SOCS7: variants seen among roughly 807,000 people sequenced by gnomAD.
SOCS7 encodes NAP-4.
Under a neutral mutation model 58.9 loss-of-function variants are expected in SOCS7, and 18 were observed. The ratio of observed to expected loss-of-function variants is 0.31; its 90% CI spans 0.21 to 0.45. SOCS7 has a LOEUF of 0.45. Among genes scored for constraint, SOCS7 ranks in the 20% least tolerant of loss-of-function variants. The pLI is 1.00. For missense variants in SOCS7, 667 were observed against 837.3 expected (o/e 0.80, Z 2.51); for synonymous variants, 388 against 364.3 (o/e 1.06, Z -0.74).
intron 7 of SOCS7, among the ~76,000 whole-genome samples, chr17:38,389,865 G>GTA (rs1270608226): frequency 0.022 from 578 of 26,680 alleles, 35 homozygotes; most frequent in Middle Eastern, 0.12. Context: ...GTGTATGTGT[G>GTA]TACATATATA....
rs3748724 is a variant in SOCS7, at chr17:38,401,998, T to C, written c.*2516T>C. The C allele has an allele frequency of 0.18, 27,708 of 152,202 alleles. 3,668 individuals carry two copies. Among genetic ancestry groups the C allele is most frequent in the African/African-American group, 0.37 (15,386 of 41,456 alleles). The allele number at this position is 152,202 out of a possible 1,614,324, so 9.4% of individuals were successfully genotyped here. A position where few individuals can be genotyped will look rare whatever the true frequency, so the allele number is the denominator to read the frequency against. On this transcript the variant is annotated 3_prime_UTR_variant, in exon 10 of 10. Coordinates refer to ENST00000612932, the MANE Select transcript of SOCS7 (RefSeq NM_014598.4). Reference sequence around the variant, plus strand: ...GGCCATGTGAGGGAGGCAGAGCCTCTGCACCCCCTGTGTTACTGGGGTTTC... The same window carrying C: ...GGCCATGTGAGGGAGGCAGAGCCTCCGCACCCCCTGTGTTACTGGGGTTTC...
intron 6 of SOCS7, among the ~76,000 whole-genome samples, chr17:38,369,975 T>C (rs1211524465): frequency 1.3e-5 from 2 of 152,060 alleles, no homozygotes; most frequent in Non-Finnish European, 2.9e-5. Flanking sequence ...GTATTTTTAG[T>C]AGACACAGGG....
At position 38,395,900 on chromosome 17, in the gene SOCS7, G is replaced by A. The variant is rs756077906; in HGVS notation, c.1870G>A (p.Val624Ile). ...KFYYYDPQEEVYLSLKEAQLI... is the reference protein window; with the variant it reads ...KFYYYDPQEEIYLSLKEAQLI... The stretch of plus-strand genomic sequence containing the variant: ...CTACTACTATGATCCTCAGGAAGAG[G>A]TATACCTGTCTCTAAAGGAAGCGCA... The change falls in exon 9 of 10, where the codon GTA becomes ATA. Residue 624 changes from valine (V) to isoleucine (I), a missense_variant. Coordinates refer to ENST00000612932, the MANE Select transcript of SOCS7 (RefSeq NM_014598.4). The A allele has an allele frequency of 1.2e-6, 2 of 1,611,948 alleles. No individual in the cohort carries two copies. The highest frequency in any genetic ancestry group is 1.7e-6 in the Non-Finnish European group (2 of 1,179,454).
At chr17:38,359,418 A>C (rs1050767030) in intron 1 of SOCS7, among the ~76,000 whole-genome samples, 1 of 152,212 alleles carries the variant, frequency 6.6e-6, no homozygotes, top group African/African-American at 2.4e-5. Context: ...AGAAAGACGG[A>C]CCAGGGTTTC....
intron 7 of SOCS7, among the ~76,000 whole-genome samples, chr17:38,387,113 ATATATATATATATATGTATG>A (rs2038081955): frequency 1.9e-5 from 2 of 103,472 alleles, no homozygotes; most frequent in Non-Finnish European, 1.8e-5. Flanking sequence ...ATATATATAT[ATATATATATATATATGTATG>A]TATATATATA....
chr17:38,371,759 T>G (rs898603118), intron 6 of SOCS7, among the ~76,000 whole-genome samples: 19 of 148,196 alleles, frequency 1.3e-4, no homozygotes, highest in Non-Finnish European at 2.1e-4. Context: ...TTTGTGTTTT[T>G]TTTTTTTTTT....
At chr17:38,374,492 G>A (rs2037907308) in intron 6 of SOCS7, among the ~76,000 whole-genome samples, 1 of 152,260 alleles carries the variant, frequency 6.6e-6, no homozygotes, top group Admixed American at 6.5e-5. Flanking sequence ...GGGCAACAGA[G>A]TGAGACCCTG....
chr17:38,353,135 C>A lies in SOCS7; in HGVS notation c.980+103C>A, dbSNP rs542188072. The A allele has an allele frequency of 3.9e-5, 43 of 1,108,114 alleles. No homozygotes were observed. The African/African-American group carries it at 6.0e-4, about 15-fold the overall frequency. 68.6% of individuals were successfully genotyped at this position (1,108,114 alleles called of 1,614,324 possible). Reference sequence around the variant, plus strand: ...CTGACAGTTCTTAAGATAGGGTCTTCAGGAGGAGGCAGAGACTTGGGACCA... The same window carrying A: ...CTGACAGTTCTTAAGATAGGGTCTTAAGGAGGAGGCAGAGACTTGGGACCA... On this transcript the variant is annotated intron_variant, in intron 1 of 9. Coordinates refer to ENST00000612932, the MANE Select transcript of SOCS7 (RefSeq NM_014598.4).
chr17:38,396,012 GCCT>G lies in SOCS7; in HGVS notation c.*30+16_*30+18del. ...TCACCACCAAGGGTATGAGCTCTCTGCCTCACTGCCCAGCCACATTTCTTCCTG... is the reference window on the plus strand; with the variant it reads ...TCACCACCAAGGGTATGAGCTCTCTGCACTGCCCAGCCACATTTCTTCCTG... On this transcript the variant is annotated intron_variant, in intron 9 of 9. Transcript: ENST00000612932. The G allele has an allele frequency of 3.9e-6, 6 of 1,553,672 alleles. No homozygotes were observed. The highest frequency in any genetic ancestry group is 4.3e-6 in the Non-Finnish European group (5 of 1,159,914).
At chr17:38,395,826 A>G in intron 8 of SOCS7, 22 bp from the exon 9 acceptor site, 7 of 1,605,904 alleles carry the variant, frequency 4.4e-6, no homozygotes, top group African/African-American at 1.3e-5. Flanking sequence ...TTTTGTGTAT[A>G]TCCGTCATTT....
Position 38,365,416 on chromosome 17 carries a change from T to C in SOCS7, c.1252+7T>C. On this transcript the variant is annotated splice_region_variant and intron_variant, in intron 4 of 9. Coordinates refer to ENST00000612932, the MANE Select transcript of SOCS7 (RefSeq NM_014598.4). Reference sequence around the variant, plus strand: ...CCTCCACCCCATGCCCCAGGTTAGCTTAGTTTAGAGGCAAGACTTGTAAGA... The same window carrying C: ...CCTCCACCCCATGCCCCAGGTTAGCCTAGTTTAGAGGCAAGACTTGTAAGA... The C allele has an allele frequency of 6.3e-7, 1 of 1,595,998 alleles. No individual in the cohort carries two copies. Among genetic ancestry groups the C allele is most frequent in the Admixed American group, 1.7e-5 (1 of 58,310 alleles).
rs2038364074 is a variant in SOCS7 at position 38,404,508 on chromosome 17, C to G, written c.*5026C>G. 6.6e-6 allele frequency: 1 copy of G among 152,180 alleles called. No homozygotes were observed. Among genetic ancestry groups the G allele is most frequent in the South Asian group, 2.1e-4 (1 of 4,826 alleles). 9.4% of individuals were successfully genotyped at this position (152,180 alleles called of 1,614,324 possible). On this transcript the variant is annotated 3_prime_UTR_variant, in exon 10 of 10. Coordinates refer to ENST00000612932, the MANE Select transcript of SOCS7 (RefSeq NM_014598.4). ...TTTAGAGGTGACCTGGAACCGTTCC[C>G]TTTCCCTCTCCTACCCCCTCCTCTG...
At chr17:38,376,896 G>A (rs2037938953) in intron 6 of SOCS7, among the ~76,000 whole-genome samples, 1 of 152,130 alleles carries the variant, frequency 6.6e-6, no homozygotes, top group South Asian at 2.1e-4. Flanking sequence ...TTTTACTGTA[G>A]TTTTTCTATG....
At chr17:38,362,994 A>C (rs954385832) in intron 2 of SOCS7, among the ~76,000 whole-genome samples, 12 of 152,124 alleles carry the variant, frequency 7.9e-5, no homozygotes, top group African/African-American at 2.9e-4. Flanking sequence ...GCACGCCTGT[A>C]GTCCAGCTAC....
In SOCS7 at chr17:38,355,187, A is replaced by G. The variant is rs587681253; in HGVS notation, c.980+2155A>G. Among the ~76,000 whole-genome samples, 7 of 152,330 alleles carry G rather than the reference A, an allele frequency of 4.6e-5. No homozygotes were observed. In the South Asian group the frequency reaches 1.4e-3, roughly 32 times the overall value. ...AAGTCTAGATTCCGTGTAAACTCCA[A>G]CATCAGCTAGGAGATGACCAAATTT... On this transcript the variant is annotated intron_variant, in intron 1 of 9. Transcript: ENST00000612932.
At chr17:38,373,953 G>T (rs762412654) in intron 6 of SOCS7, among the ~76,000 whole-genome samples, 1 of 152,240 alleles carries the variant, frequency 6.6e-6, no homozygotes, top group Non-Finnish European at 1.5e-5. Flanking sequence ...GGGTGGAGTG[G>T]CTCACGCCTG....
At chr17:38,387,896 T>C (rs150654818) in intron 7 of SOCS7, among the ~76,000 whole-genome samples, 4 of 150,308 alleles carry the variant, frequency 2.7e-5, no homozygotes, top group Admixed American at 6.7e-5. Flanking sequence ...CAGCCTCCCA[T>C]GTAGCTGGGA....
At chr17:38,390,724 T>G (rs2038162386) in intron 7 of SOCS7, among the ~76,000 whole-genome samples, 1 of 149,846 alleles carries the variant, frequency 6.7e-6, no homozygotes, top group Non-Finnish European at 1.5e-5. Context: ...TTTTTTTTTT[T>G]GTCCCACTGT....
chr17:38,365,468 A>ACT, intron 4 of SOCS7, 59 bp downstream of exon 4: 1 of 1,086,214 alleles, frequency 9.2e-7, no homozygotes, highest in Non-Finnish European at 1.3e-6. Flanking sequence ...GATACTTTCT[A>ACT]CCATAGAAGG....
Sources: gnomAD v4.1 joint callset for allele counts (sites outside exome capture counted in the v4.1 genomes callset) on GRCh38, gnomAD v4.1.1 for gene constraint, MANE v1.5 for transcripts, NCBI Gene and HGNC (gene_info 2026-07-23, HGNC 2026-07-21) for gene names.